The following FUNDC1 variants were observed in gnomAD, a reference collection of about 807,000 sequenced individuals.
The protein encoded by FUNDC1 is FUN14 domain containing 1, also known as FUN14 domain-containing protein 1.
Under a neutral mutation model 14.5 loss-of-function variants are expected in FUNDC1, and 10 were observed. That is an observed-to-expected ratio of 0.69 (90% CI 0.43 to 1.17). The LOEUF (loss-of-function observed/expected upper bound fraction) is 1.17. FUNDC1 is among the 50% of genes most tolerant of loss of function. The pLI, the probability that FUNDC1 is intolerant of heterozygous loss-of-function variation, is 0.00. For missense variants in FUNDC1, 115 were observed against 113.8 expected, an observed-to-expected ratio of 1.01 and a Z score of -0.05; for synonymous variants, 33 against 39.7, an observed-to-expected ratio of 0.83 and a Z score of 0.64.
At chrX:44,532,557 AT>A (rs1281101001) in intron 3 of FUNDC1, among the ~76,000 whole-genome samples, 69 of 99,983 alleles carry the variant, frequency 6.9e-4, no homozygotes, top group African/African-American at 1.3e-3. Context: ...ATATATATAT[AT>A]TTTTTTTTTT....
chrX:44,536,601 C>G (rs143508065), intron 3 of FUNDC1, among the ~76,000 whole-genome samples: 128 of 111,531 alleles, frequency 1.1e-3, no homozygotes, highest in East Asian at 9.3e-3. Context: ...CTAAATTTTC[C>G]CATTCCATAA....
intron 3 of FUNDC1, among the ~76,000 whole-genome samples, chrX:44,535,937 G>C (rs1244510708): frequency 1.9e-5 from 2 of 105,363 alleles, no homozygotes; most frequent in East Asian, 3.0e-4. Context: ...AGTGAGCCGA[G>C]ATTGTGCCAT....
chrX:44,530,443 T>C lies in FUNDC1; in HGVS notation c.262-3078A>G, dbSNP rs142724411. 8.2e-3 allele frequency among the ~76,000 whole-genome samples: 872 copies of C among 106,423 alleles called. 14 individuals are homozygous for C. Among genetic ancestry groups the C allele is most frequent in the African/African-American group, 0.029 (827 of 28,829 alleles). 92.4% of individuals were successfully genotyped at this position (106,423 alleles called of 115,157 possible). A position where few individuals can be genotyped will look rare whatever the true frequency, so the allele number is the denominator to read the frequency against. On this transcript the variant is annotated intron_variant, in intron 3 of 4. Coordinates refer to ENST00000378045, the MANE Select transcript of FUNDC1 (RefSeq NM_173794.4). ...CAACATGGTGAAACCCTATCTCTAC[T>C]AAAAATACAAAAATTAGCCGGGCAT...
intron 3 of FUNDC1, among the ~76,000 whole-genome samples, chrX:44,535,714 G>A (rs1601903225): frequency 9.3e-6 from 1 of 106,970 alleles, no homozygotes; most frequent in Non-Finnish European, 1.9e-5. Context: ...GGCTGGGCGC[G>A]GTGGCTCACG....
intron 3 of FUNDC1, among the ~76,000 whole-genome samples, chrX:44,532,604 G>A (rs1239759662): frequency 1.9e-5 from 2 of 106,526 alleles, no homozygotes; most frequent in Non-Finnish European, 3.9e-5. Flanking sequence ...CCAGGCTGGC[G>A]TGCAATGACA....
intron 3 of FUNDC1, among the ~76,000 whole-genome samples, chrX:44,533,179 T>C (rs1194489769): frequency 9.0e-6 from 1 of 111,614 alleles, no homozygotes; most frequent in Non-Finnish European, 1.9e-5. Context: ...GACATGCAAT[T>C]AAAATGGTTT....
chrX:44,531,318 ACACACACACACACACACACACACAC>A (rs2038924304), intron 3 of FUNDC1, among the ~76,000 whole-genome samples: 1 of 26,111 alleles, frequency 3.8e-5, no homozygotes, highest in African/African-American at 2.1e-4. Context: ...TTGGCCAGAC[ACACACACACACACACACACACACAC>A]ACACACACAC....
intron 3 of FUNDC1, among the ~76,000 whole-genome samples, chrX:44,530,641 C>A (rs923034253): frequency 4.6e-5 from 5 of 109,533 alleles, no homozygotes; most frequent in Non-Finnish European, 9.5e-5. Context: ...AGGGGCTGGG[C>A]GTGGTGGCTC....
At chrX:44,542,166 A>G (rs1230695701) in intron 1 of FUNDC1, 65 bp from the exon 2 acceptor site, 21 of 868,949 alleles carry the variant, frequency 2.4e-5, no homozygotes, top group African/African-American at 4.1e-5. Flanking sequence ...TGTTCTATAC[A>G]TCTTTTTAAA....
In FUNDC1 at chrX:44,535,986, T is replaced by TAA. The variant is rs778462718; in HGVS notation, c.261+2479_261+2480dup. On this transcript the variant is annotated intron_variant, in intron 3 of 4. Transcript: ENST00000378045. ...AGGCAACATGAGCAAAACTCTTGTC[T>TAA]AAAAAAAAAAAAAAAGAAGAAGAAA... 1.2e-3 allele frequency among the ~76,000 whole-genome samples: 98 copies of TAA among 82,497 alleles called. 1 individual carries two copies. The East Asian group carries it at 0.028, about 24-fold the overall frequency. 71.6% of individuals were successfully genotyped at this position (82,497 alleles called of 115,157 possible).
intron 3 of FUNDC1, 71 bp downstream of exon 3, chrX:44,538,396 T>C: frequency 1.3e-6 from 1 of 798,847 alleles, no homozygotes. Context: ...AGCTCTTCCA[T>C]AAACTGATGC....
chrX:44,531,247 AACACACACACACACACACACACAC>A (rs759868973), intron 3 of FUNDC1, among the ~76,000 whole-genome samples: 2 of 50,397 alleles, frequency 4.0e-5, no homozygotes, highest in Admixed American at 2.0e-4. Context: ...TTTCCAGAAA[AACACACACACACACACACACACAC>A]ACACACACAC....
chrX:44,526,405 G>C (rs2038902295), intron 4 of FUNDC1, among the ~76,000 whole-genome samples: 3 of 107,546 alleles, frequency 2.8e-5, no homozygotes, highest in South Asian at 8.8e-4. Context: ...ACTCCAGCCT[G>C]GGCTACAGGG....
Position 44,541,892 on chromosome X carries a change from A to C in FUNDC1, c.185+53T>G, listed in dbSNP as rs977378306. 7 of 1,100,213 alleles carry C rather than the reference A, an allele frequency of 6.4e-6. No homozygotes were observed. In the African/African-American group the frequency reaches 1.1e-4, roughly 17 times the overall value. The allele number at this position is 1,100,213 out of a possible 1,213,427, so 90.7% of individuals were successfully genotyped here. A position where few individuals can be genotyped will look rare whatever the true frequency, so the allele number is the denominator to read the frequency against. On this transcript the variant is annotated intron_variant, in intron 2 of 4. Coordinates refer to ENST00000378045, the MANE Select transcript of FUNDC1 (RefSeq NM_173794.4). ...GTGATTCTTGCCCATGTATGAAAGG[A>C]CAGCAGTGTCAGGCCCCCAAATGAA...
chrX:44,532,330 C>T (rs2038929030), intron 3 of FUNDC1, among the ~76,000 whole-genome samples: 1 of 103,143 alleles, frequency 9.7e-6, no homozygotes, highest in Non-Finnish European at 2.0e-5. Context: ...GAGACTGAGG[C>T]TGCCATAAGC....
chrX:44,538,592 T>C lies in FUNDC1; in HGVS notation c.186-50A>G, dbSNP rs756534379. The C allele has an allele frequency of 1.3e-5, 12 of 895,998 alleles. No individual in the cohort carries two copies. In the African/African-American group the frequency reaches 2.2e-4, roughly 16 times the overall value. The allele number at this position is 895,998 out of a possible 1,213,427, so 73.8% of individuals were successfully genotyped here. A position where few individuals can be genotyped will look rare whatever the true frequency, so the allele number is the denominator to read the frequency against. On this transcript the variant is annotated intron_variant, in intron 2 of 4. Coordinates refer to ENST00000378045, the MANE Select transcript of FUNDC1 (RefSeq NM_173794.4). ...AAACAATCAATTATGTACTAAACCC[T>C]CTCCCTCTTCTACTTTTCATTGCTT...
At chrX:44,532,621 C>T (rs1362490245) in intron 3 of FUNDC1, among the ~76,000 whole-genome samples, 3 of 106,996 alleles carry the variant, frequency 2.8e-5, no homozygotes, top group Non-Finnish European at 5.8e-5. Flanking sequence ...GACATGATCT[C>T]GGCTCACTGC....
At chrX:44,542,391 C>A in intron 1 of FUNDC1, 1 of 373,618 alleles carries the variant, frequency 2.7e-6, no homozygotes, top group South Asian at 4.6e-5. Context: ...GTCACCCCCA[C>A]CTCCAAACCT....
intron 3 of FUNDC1, among the ~76,000 whole-genome samples, chrX:44,538,200 T>C (rs1283016956): frequency 8.9e-6 from 1 of 112,222 alleles, no homozygotes; most frequent in Non-Finnish European, 1.9e-5. Flanking sequence ...GCCAGGCTGG[T>C]CTTGAACATC....
Sources: allele counts gnomAD v4.1 joint callset (sites outside exome capture counted in the v4.1 genomes callset), GRCh38; gene constraint gnomAD v4.1.1; transcripts MANE v1.5; gene names NCBI Gene and HGNC (gene_info 2026-07-23, HGNC 2026-07-21).